The following SLC4A4 variants were observed in gnomAD, a reference collection of about 807,000 sequenced individuals.
SLC4A4 encodes electrogenic sodium bicarbonate cotransporter 1.
SLC4A4 carries 27 observed loss-of-function variants against 111.5 expected under a neutral mutation model. That is an observed-to-expected ratio of 0.24 (90% confidence interval 0.18 to 0.33). The LOEUF (loss-of-function observed/expected upper bound fraction) is 0.33. Ranked by LOEUF, SLC4A4 falls within the 10% of genes least tolerant of loss-of-function variation. The probability of loss-of-function intolerance (pLI) is 1.00; values close to 1 mark genes in which losing one functional copy is unlikely to be tolerated. For missense variants in SLC4A4, 909 were observed against 1,315.5 expected (o/e 0.69, Z 4.78); for synonymous variants, 443 against 463.4 (o/e 0.96, Z 0.57).
At chr4:71,428,195 T>C (rs1020152900) in intron 7 of SLC4A4, among the ~76,000 whole-genome samples, 1 of 152,158 alleles carries the variant, frequency 6.6e-6, no homozygotes, top group East Asian at 1.9e-4. Context: ...AATAAATTCA[T>C]AGTCAGAGAG....
chr4:71,443,083 A>ACTCTCTCTCTCTCTCTCTCTCT (rs1180993467), intron 8 of SLC4A4, among the ~76,000 whole-genome samples: 1 of 31,436 alleles, frequency 3.2e-5, no homozygotes, highest in African/African-American at 1.9e-4. Context: ...AGAGGCCACT[A>ACTCTCTCTCTCTCTCTCTCTCT]CTCTCTCTCT....
chr4:71,549,597 A>T (rs1735814841), intron 20 of SLC4A4, among the ~76,000 whole-genome samples: 1 of 151,866 alleles, frequency 6.6e-6, no homozygotes, highest in South Asian at 2.1e-4. Context: ...TCATTAATAC[A>T]GTATAAAATC....
At position 71,182,068 on chromosome 4, in the gene SLC4A4, T is replaced by G. The variant is rs527377253; in HGVS notation, c.-1-54508T>G. Among the ~76,000 whole-genome samples, 3 of 152,330 alleles carry G rather than the reference T, an allele frequency of 2.0e-5. No homozygotes were observed. The South Asian group carries it at 6.2e-4, about 32-fold the overall frequency. The stretch of plus-strand genomic sequence containing the variant: ...ATGGACATTATTTTGTCCACTTATT[T>G]GTTTACTTGTAAGTTCCATGAAGCA... On this transcript the variant is annotated intron_variant, in intron 2 of 26. Transcript: ENST00000649996.
chr4:71,438,802 A>G (rs961994378), intron 7 of SLC4A4, among the ~76,000 whole-genome samples: 3 of 152,152 alleles, frequency 2.0e-5, no homozygotes, highest in African/African-American at 7.2e-5. Context: ...CATGAATTAA[A>G]ATGATATTTC....
chr4:71,063,596 A>T (rs1238005118), intron 1 of SLC4A4, among the ~76,000 whole-genome samples: 1 of 152,132 alleles, frequency 6.6e-6, no homozygotes, highest in African/African-American at 2.4e-5. Flanking sequence ...AAGTTATATT[A>T]GAAAATTTAT....
rs757701952 is a variant in SLC4A4, at chr4:71,547,708, T to G, written c.2682T>G (p.Ala894=). The stretch of plus-strand genomic sequence containing the variant: ...TGACTGGTCTGTCAGTCTTTATGGC[T>G]CCCATCTTGAAGGTAAATATGTGAA... The part of the protein sequence containing the change: ...FILTGLSVFM[A]PILKFIPMPV... Residue 894 remains alanine, a synonymous_variant, in exon 20 of 26, where the codon GCT becomes GCG. Transcript: ENST00000264485. 4.3e-6 allele frequency: 7 copies of G among 1,611,352 alleles called. No individual in the cohort carries two copies. The highest frequency in any genetic ancestry group is 5.9e-6 in the Non-Finnish European group (7 of 1,178,028).
chr4:71,150,701 G>A (rs1287444391), intron 2 of SLC4A4, among the ~76,000 whole-genome samples: 1 of 152,182 alleles, frequency 6.6e-6, no homozygotes, highest in Non-Finnish European at 1.5e-5. Context: ...AATGGGAGAA[G>A]TGCAGGTGAG....
chr4:71,122,653 C>T (rs1743463944), intron 2 of SLC4A4, among the ~76,000 whole-genome samples: 1 of 152,072 alleles, frequency 6.6e-6, no homozygotes, highest in South Asian at 2.1e-4. Context: ...ACAGTAGGTG[C>T]CTACCCTCCG....
chr4:71,286,033 T>C (rs2149096795), intron 3 of SLC4A4, among the ~76,000 whole-genome samples: 1 of 152,208 alleles, frequency 6.6e-6, no homozygotes, highest in Middle Eastern at 3.4e-3. Flanking sequence ...GGTCAGAAGA[T>C]CGAGACCGTT....
chr4:71,098,467 C>A (rs879776277), intron 2 of SLC4A4, among the ~76,000 whole-genome samples: 14 of 152,132 alleles, frequency 9.2e-5, no homozygotes, highest in Admixed American at 8.5e-4. Context: ...CATGATGCCT[C>A]CAGCTTTGTT....
At chr4:71,179,628 G>T (rs1745220731) in intron 2 of SLC4A4, among the ~76,000 whole-genome samples, 1 of 151,952 alleles carries the variant, frequency 6.6e-6, no homozygotes, top group Non-Finnish European at 1.5e-5. Context: ...AAAATACCTA[G>T]GACTCCAACT....
Position 71,331,282 on chromosome 4 carries a change from G to A in SLC4A4, c.254-8088G>A, listed in dbSNP as rs1016266394. 2.8e-3 allele frequency among the ~76,000 whole-genome samples: 430 copies of A among 152,234 alleles called. 5 individuals are homozygous for A. Among genetic ancestry groups the A allele is most frequent in the Non-Finnish European group, 2.9e-3 (196 of 68,036 alleles). ...TGCTGCTATAAAGACACATGCACAC[G>A]TATGTTTATTGCGGCACTATTCGTA... On this transcript the variant is annotated intron_variant, in intron 3 of 25. Coordinates refer to ENST00000264485, the MANE Select transcript of SLC4A4 (RefSeq NM_001098484.3).
intron 2 of SLC4A4, among the ~76,000 whole-genome samples, chr4:71,169,697 C>T (rs1172690794): frequency 2.6e-5 from 4 of 151,988 alleles, no homozygotes; most frequent in South Asian, 2.1e-4. Context: ...TATAATGAAC[C>T]GAAATATATT....
chr4:71,155,085 GGT>G (rs36062875), intron 2 of SLC4A4, among the ~76,000 whole-genome samples: 148,262 of 150,446 alleles, frequency 0.99, 73,082 homozygotes, highest in South Asian at 1. Context: ...TGTATTATGG[GGT>G]GTGTGTGTGT....
chr4:71,387,751 C>A (rs1718887362), intron 6 of SLC4A4, among the ~76,000 whole-genome samples: 1 of 152,184 alleles, frequency 6.6e-6, no homozygotes, highest in African/African-American at 2.4e-5. Flanking sequence ...GCCTCGGCCT[C>A]CGAAGCGCTG....
At chr4:71,133,889 T>C (rs1743775773) in intron 2 of SLC4A4, among the ~76,000 whole-genome samples, 1 of 152,220 alleles carries the variant, frequency 6.6e-6, no homozygotes, top group Non-Finnish European at 1.5e-5. Context: ...CTTTGTCCTC[T>C]TGGTAGCTAT....
At chr4:71,344,781 C>A (rs1394298711) in intron 4 of SLC4A4, among the ~76,000 whole-genome samples, 3 of 152,106 alleles carry the variant, frequency 2.0e-5, no homozygotes, top group African/African-American at 7.2e-5. Context: ...ATGAGGAAAT[C>A]TGTAGGCAGA....
chr4:71,455,365 A>G (rs1726142896), intron 12 of SLC4A4, among the ~76,000 whole-genome samples: 1 of 152,196 alleles, frequency 6.6e-6, no homozygotes, highest in Non-Finnish European at 1.5e-5. Flanking sequence ...GTAAGACAAA[A>G]CTGAATACAT....
intron 1 of SLC4A4, among the ~76,000 whole-genome samples, chr4:71,078,683 C>A (rs1290005414): frequency 6.6e-6 from 1 of 152,134 alleles, no homozygotes; most frequent in Non-Finnish European, 1.5e-5. Context: ...CATTCTAGCT[C>A]CCGTAGAACC....
Sources: gnomAD v4.1 joint callset for allele counts (sites outside exome capture counted in the v4.1 genomes callset) on GRCh38, gnomAD v4.1.1 for gene constraint, MANE v1.5 for transcripts, NCBI Gene and HGNC (gene_info 2026-07-23, HGNC 2026-07-21) for gene names.